The following CPVL variants were observed in gnomAD, a reference collection of about 807,000 sequenced individuals.
CPVL encodes probable serine carboxypeptidase CPVL.
CPVL carries 51 observed loss-of-function variants against 63.7 expected under a neutral mutation model. The ratio of observed to expected loss-of-function variants is 0.80; its 90% CI spans 0.64 to 1.01. The LOEUF (loss-of-function observed/expected upper bound fraction) is 1.01. CPVL is among the 50% of genes least tolerant of loss of function. CPVL has a pLI of 0.00. For synonymous variants in CPVL, 195 were observed against 206.0 expected (o/e 0.95, Z 0.46); for missense variants, 530 against 573.1 (o/e 0.92, Z 0.77).
intron 7 of CPVL, among the ~76,000 whole-genome samples, chr7:29,080,518 G>A (rs1223568698): frequency 6.9e-6 from 1 of 143,972 alleles, no homozygotes; most frequent in African/African-American, 2.6e-5. Flanking sequence ...AGATGGCAAT[G>A]CTGCACTCCA....
At chr7:29,119,353 A>G (rs764088815) in intron 2 of CPVL, among the ~76,000 whole-genome samples, 1 of 152,112 alleles carries the variant, frequency 6.6e-6, no homozygotes, top group Admixed American at 6.5e-5. Flanking sequence ...CGGGCGTGGT[A>G]GCACATGCCT....
intron 12 of CPVL, among the ~76,000 whole-genome samples, chr7:29,002,349 AAATCAAGCACTG>A (rs1181021835): frequency 6.6e-6 from 1 of 152,210 alleles, no homozygotes; most frequent in African/African-American, 2.4e-5. Flanking sequence ...ACAAACCTTG[AAATCAAGCACTG>A]AATCAATCGT....
rs59054295 is a variant in CPVL, at chr7:29,028,966, C to CAAAA, written c.1320+1607_1320+1610dup. Among the ~76,000 whole-genome samples the CAAAA allele has an allele frequency of 5.9e-4, 52 of 88,484 alleles. 2 individuals are homozygous for CAAAA. The highest frequency in any genetic ancestry group is 9.7e-4 in the East Asian group (3 of 3,088). 58.0% of individuals were successfully genotyped at this position (88,484 alleles called of 152,430 possible). A position where few individuals can be genotyped will look rare whatever the true frequency, so the allele number is the denominator to read the frequency against. On this transcript the variant is annotated intron_variant, in intron 12 of 12. Coordinates refer to ENST00000265394, the MANE Select transcript of CPVL (RefSeq NM_031311.5). The stretch of plus-strand genomic sequence containing the variant: ...TGGGCAACAGAGCAAGACTCCATCT[C>CAAAA]AAAAAAAAAAAAAAAAAAGTGAGAA...
At position 29,170,788 on chromosome 7, in the gene CPVL, G is replaced by A. The variant is rs186887974; in HGVS notation, c.-11+10502C>T. Among the ~76,000 whole-genome samples, 740 of 152,228 alleles carry A rather than the reference G, an allele frequency of 4.9e-3. 4 individuals are homozygous for A. The highest frequency in any genetic ancestry group is 0.017 in the African/African-American group (714 of 41,522). On this transcript the variant is annotated intron_variant, in intron 5 of 16. Transcript: ENST00000409850. Reference sequence around the variant, plus strand: ...TATAGTTCCATATGGCTGGTGGGGGGGCCTCACAATCATGGCGGAAGGCGA... The same window carrying A: ...TATAGTTCCATATGGCTGGTGGGGGAGCCTCACAATCATGGCGGAAGGCGA...
chr7:29,050,899 T>G (rs1227542022), intron 11 of CPVL, among the ~76,000 whole-genome samples: 4 of 150,864 alleles, frequency 2.7e-5, no homozygotes, highest in African/African-American at 9.7e-5. Flanking sequence ...GGTATAAAAA[T>G]AGGCACATAG....
intron 11 of CPVL, among the ~76,000 whole-genome samples, chr7:29,042,058 T>G (rs1333460232): frequency 1.3e-5 from 2 of 151,872 alleles, no homozygotes; most frequent in Non-Finnish European, 2.9e-5. Context: ...GTCCTCTCTG[T>G]CAATAGCTGC....
chr7:29,089,875 T>A (rs995586672), intron 6 of CPVL, among the ~76,000 whole-genome samples: 2 of 148,134 alleles, frequency 1.4e-5, no homozygotes, highest in Non-Finnish European at 2.9e-5. Context: ...TTTTTTTTTT[T>A]AATTGAGATG....
chr7:29,031,749 G>GTAAA (rs1384373767), intron 11 of CPVL, among the ~76,000 whole-genome samples: 1 of 152,064 alleles, frequency 6.6e-6, no homozygotes, highest in African/African-American at 2.4e-5. Context: ...AATTGAGTAG[G>GTAAA]TAAATGCACA....
chr7:29,111,487 TCTCACTTGCCTCACTC>T (rs1264298005), intron 3 of CPVL, among the ~76,000 whole-genome samples: 1 of 152,174 alleles, frequency 6.6e-6, no homozygotes. Flanking sequence ...GCTCTAGGCA[TCTCACTTGCCTCACTC>T]AACACAACAC....
chr7:29,157,006 ACC>A (rs1261062207), intron 5 of CPVL, among the ~76,000 whole-genome samples: 1 of 152,002 alleles, frequency 6.6e-6, no homozygotes, highest in East Asian at 1.9e-4. Context: ...GGTCCACCCT[ACC>A]CCCACTTGAT....
At chr7:29,081,577 T>C (rs1428977738) in intron 7 of CPVL, 1 of 152,234 alleles carries the variant, frequency 6.6e-6, no homozygotes, top group Non-Finnish European at 1.5e-5. Flanking sequence ...CTCCATTTTT[T>C]TTTAGACAAA....
intron 12 of CPVL, chr7:29,010,466 T>C (rs1259955925): frequency 6.6e-6 from 1 of 152,204 alleles, no homozygotes; most frequent in Non-Finnish European, 1.5e-5. Flanking sequence ...AACAACTCAT[T>C]ACTCAATTCA....
At chr7:29,038,994 G>GGT (rs1382057722) in intron 11 of CPVL, among the ~76,000 whole-genome samples, 1 of 152,182 alleles carries the variant, frequency 6.6e-6, no homozygotes, top group African/African-American at 2.4e-5. Context: ...CATGGGAACA[G>GGT]GTATGGAAAG....
chr7:29,145,859 TG>T (rs1792522112), intron 1 of CPVL: 1 of 152,236 alleles, frequency 6.6e-6, no homozygotes. Flanking sequence ...CACAGGGAGC[TG>T]CTTCCACCTG....
chr7:29,055,398 C>T (rs989951570), intron 11 of CPVL, among the ~76,000 whole-genome samples: 6 of 152,142 alleles, frequency 3.9e-5, no homozygotes, highest in African/African-American at 1.4e-4. Context: ...TACAGGCGCC[C>T]GCCACCATAC....
intron 3 of CPVL, among the ~76,000 whole-genome samples, chr7:29,109,691 A>G (rs1038278969): frequency 2.0e-5 from 3 of 152,070 alleles, no homozygotes; most frequent in African/African-American, 7.2e-5. Context: ...CTTCTCCCGA[A>G]GCTTCATCTA....
intron 12 of CPVL, among the ~76,000 whole-genome samples, chr7:29,018,625 C>A (rs1210715771): frequency 6.6e-6 from 1 of 152,098 alleles, no homozygotes; most frequent in Non-Finnish European, 1.5e-5. Flanking sequence ...GTGATCCACC[C>A]ACCTTAGCCT....
At chr7:29,051,240 G>T (rs1271341030) in intron 11 of CPVL, among the ~76,000 whole-genome samples, 1 of 152,126 alleles carries the variant, frequency 6.6e-6, no homozygotes, top group Non-Finnish European at 1.5e-5. Context: ...TAAAAACAAA[G>T]ATTAATAGCT....
chr7:29,072,598 C>A (rs1015790159), intron 7 of CPVL, among the ~76,000 whole-genome samples, 175 bp from the exon 8 acceptor site: 8 of 152,332 alleles, frequency 5.3e-5, no homozygotes, highest in South Asian at 4.1e-4. Flanking sequence ...TCTTCCAATT[C>A]TTTTGTCGTC....
Sources: allele counts gnomAD v4.1 joint callset (sites outside exome capture counted in the v4.1 genomes callset), GRCh38; gene constraint gnomAD v4.1.1; transcripts MANE v1.5; gene names NCBI Gene and HGNC (gene_info 2026-07-23, HGNC 2026-07-21).